Variants in RBKS observed in about 807,000 individuals in gnomAD.
RBKS encodes the protein ribokinase.
A neutral mutation model predicts 33.9 loss-of-function variants in RBKS; 33 were observed. That is an observed-to-expected ratio of 0.97 (90% confidence interval 0.74 to 1.30). The LOEUF (loss-of-function observed/expected upper bound fraction) is 1.30. Ranked by LOEUF, RBKS falls within the 50% of genes most tolerant of loss-of-function variation. The pLI is 0.00. For missense variants in RBKS, 361 were observed against 392.6 expected (o/e 0.92, Z 0.68); for synonymous variants, 125 against 143.0 (o/e 0.87, Z 0.90).
chr2:27,804,586 T>A lies in RBKS; in HGVS notation c.796-22798A>T, dbSNP rs1327149154. 3.3e-5 allele frequency among the ~76,000 whole-genome samples: 5 copies of A among 152,368 alleles called. No homozygotes were observed. In the East Asian group the frequency reaches 7.7e-4, roughly 23 times the overall value. ...AATCTCGATTTTAGCTGGCACTTTG[T>A]GCGAAAAGTGAAGTTGGTGTTGGCC... On this transcript the variant is annotated intron_variant, in intron 7 of 7. Transcript: ENST00000302188.
chr2:27,843,547 T>C (rs1405155181), intron 4 of RBKS, among the ~76,000 whole-genome samples: 1 of 152,148 alleles, frequency 6.6e-6, no homozygotes, highest in Non-Finnish European at 1.5e-5. Context: ...TTATAGAAAA[T>C]AGCTAGTATA....
intron 4 of RBKS, among the ~76,000 whole-genome samples, chr2:27,844,456 G>T (rs568385188): frequency 1.3e-5 from 2 of 152,092 alleles, no homozygotes; most frequent in African/African-American, 4.8e-5. Flanking sequence ...GCAGTCGTGC[G>T]ATCTTGGCTC....
intron 7 of RBKS, among the ~76,000 whole-genome samples, chr2:27,826,287 C>G (rs1487525040): frequency 1.3e-5 from 2 of 152,146 alleles, no homozygotes; most frequent in East Asian, 3.8e-4. Context: ...AGCATAAAAA[C>G]AAACCAAAAC....
chr2:27,881,089 A>AC (rs1233581721), intron 1 of RBKS, among the ~76,000 whole-genome samples: 169 of 152,018 alleles, frequency 1.1e-3, no homozygotes, highest in African/African-American at 3.9e-3. Context: ...AAACAAACAA[A>AC]AAAACAGAAA....
chr2:27,868,951 A>G (rs926461606), intron 1 of RBKS, among the ~76,000 whole-genome samples: 10 of 152,180 alleles, frequency 6.6e-5, no homozygotes, highest in African/African-American at 2.4e-4. Flanking sequence ...ACTGCACTAA[A>G]CACTTTATAA....
chr2:27,800,715 T>A (rs1396161284), intron 7 of RBKS, among the ~76,000 whole-genome samples: 2 of 151,688 alleles, frequency 1.3e-5, no homozygotes, highest in African/African-American at 4.8e-5. Context: ...AGACAAGGGG[T>A]TTATGCTGTG....
intron 1 of RBKS, among the ~76,000 whole-genome samples, chr2:27,877,434 C>T (rs974326936): frequency 1.3e-5 from 2 of 152,072 alleles, no homozygotes; most frequent in African/African-American, 4.8e-5. Context: ...TCATTAGCGT[C>T]TCCATTACAA....
At chr2:27,842,508 T>C (rs917352996) in intron 5 of RBKS, among the ~76,000 whole-genome samples, 3 of 152,218 alleles carry the variant, frequency 2.0e-5, no homozygotes, top group Non-Finnish European at 4.4e-5. Flanking sequence ...TTCCTAGAGA[T>C]GTTTGTCAAA....
chr2:27,843,669 A>G (rs916347415), intron 4 of RBKS, among the ~76,000 whole-genome samples: 2 of 152,208 alleles, frequency 1.3e-5, no homozygotes, highest in Non-Finnish European at 2.9e-5. Flanking sequence ...TGTGTACCCT[A>G]TGGTATTCTA....
At chr2:27,879,913 A>G (rs969799243) in intron 1 of RBKS, among the ~76,000 whole-genome samples, 10 of 152,332 alleles carry the variant, frequency 6.6e-5, no homozygotes, top group East Asian at 1.9e-4. Context: ...TCAGATGTAC[A>G]AAGAAGAGCT....
rs555346860 is a variant in RBKS at position 27,802,648 on chromosome 2, C to T, written c.796-20860G>A. ...TTCTAGTGAGTTAAGAAGCCCTGCG[C>T]AGCAACTCTAAGTTCAATGCACGCT... On this transcript the variant is annotated intron_variant, in intron 7 of 7. Coordinates refer to ENST00000302188, the MANE Select transcript of RBKS (RefSeq NM_022128.3). Among the ~76,000 whole-genome samples the T allele has an allele frequency of 3.0e-4, 45 of 152,284 alleles. 1 individual carries two copies. Among genetic ancestry groups the T allele is most frequent in the Admixed American group, 2.6e-3 (40 of 15,296 alleles).
At chr2:27,875,531 T>A (rs1664296059) in intron 1 of RBKS, among the ~76,000 whole-genome samples, 1 of 152,178 alleles carries the variant, frequency 6.6e-6, no homozygotes, top group Non-Finnish European at 1.5e-5. Context: ...CCGGCCTGGG[T>A]GACAGAACTA....
At chr2:27,844,643 C>T (rs948056419) in intron 4 of RBKS, among the ~76,000 whole-genome samples, 2 of 152,082 alleles carry the variant, frequency 1.3e-5, no homozygotes, top group Admixed American at 6.6e-5. Context: ...GTGATCTACC[C>T]GCCTTGGCCT....
chr2:27,861,540 G>T, intron 1 of RBKS: 1 of 471,020 alleles, frequency 2.1e-6, no homozygotes, highest in South Asian at 1.5e-5. Context: ...GTGTCCTGAT[G>T]TATCTCCTAC....
chr2:27,864,660 T>A (rs1664053060), intron 1 of RBKS, among the ~76,000 whole-genome samples: 1 of 93,098 alleles, frequency 1.1e-5, no homozygotes, highest in South Asian at 4.7e-4. Context: ...AAGTATTGAC[T>A]CATTCATTCT....
chr2:27,834,747 CA>C (rs1415491662), intron 5 of RBKS, among the ~76,000 whole-genome samples: 1 of 152,192 alleles, frequency 6.6e-6, no homozygotes, highest in Non-Finnish European at 1.5e-5. Context: ...AATCTACATT[CA>C]TCAGCATTTG....
At chr2:27,792,269 A>G (rs1677544435) in intron 7 of RBKS, among the ~76,000 whole-genome samples, 1 of 152,208 alleles carries the variant, frequency 6.6e-6, no homozygotes, top group South Asian at 2.1e-4. Context: ...ATAGACCTGT[A>G]TGTGAATCTT....
chr2:27,789,030 T>C (rs1328398737), intron 7 of RBKS, among the ~76,000 whole-genome samples: 3 of 152,142 alleles, frequency 2.0e-5, no homozygotes, highest in South Asian at 4.1e-4. Context: ...TGACCTAGAA[T>C]AGCCAAAACA....
At chr2:27,878,621 G>A (rs967189920) in intron 1 of RBKS, among the ~76,000 whole-genome samples, 4 of 151,976 alleles carry the variant, frequency 2.6e-5, no homozygotes, top group Non-Finnish European at 4.4e-5. Context: ...CTTCCACAAT[G>A]GTTGAACTAG....
Sources: gnomAD v4.1 joint callset for allele counts (sites outside exome capture counted in the v4.1 genomes callset) on GRCh38, gnomAD v4.1.1 for gene constraint, MANE v1.5 for transcripts, NCBI Gene and HGNC (gene_info 2026-07-23, HGNC 2026-07-21) for gene names.